Variants in FHIT observed in about 807,000 individuals in gnomAD.
FHIT encodes fragile histidine triad diadenosine triphosphatase.
FHIT carries 19 observed loss-of-function variants against 17.9 expected under a neutral mutation model. The ratio of observed to expected loss-of-function variants is 1.06; its 90% CI spans 0.74 to 1.56. FHIT has a LOEUF of 1.56. FHIT is among the 40% of genes most tolerant of loss of function. The pLI is 0.00. For missense variants in FHIT, 248 were observed against 189.2 expected (o/e 1.31, Z -1.82); for synonymous variants, 81 against 69.7 (o/e 1.16, Z -0.81).
chr3:60,979,189 C>T (rs1047275141), intron 3 of FHIT, among the ~76,000 whole-genome samples: 2 of 152,160 alleles, frequency 1.3e-5, no homozygotes, highest in Admixed American at 1.3e-4. Context: ...TCTCAAGCTC[C>T]CCTCTTCCCA....
At chr3:60,089,404 C>T (rs1703635529) in intron 5 of FHIT, among the ~76,000 whole-genome samples, 1 of 152,086 alleles carries the variant, frequency 6.6e-6, no homozygotes, top group Admixed American at 6.6e-5. Context: ...CATTGTTGTA[C>T]ATCCACTACA....
chr3:60,566,082 T>C (rs1484144525), intron 4 of FHIT, among the ~76,000 whole-genome samples: 1 of 152,176 alleles, frequency 6.6e-6, no homozygotes. Flanking sequence ...TGAGTGAGTT[T>C]CTTAATCCTG....
chr3:59,772,495 T>A (rs946059749), intron 8 of FHIT, among the ~76,000 whole-genome samples: 4 of 152,178 alleles, frequency 2.6e-5, no homozygotes, highest in African/African-American at 9.6e-5. Context: ...GGTGGCAGTG[T>A]TACTATCCCC....
At chr3:60,902,131 T>G (rs1412547283) in intron 3 of FHIT, among the ~76,000 whole-genome samples, 41 of 152,314 alleles carry the variant, frequency 2.7e-4, no homozygotes, top group African/African-American at 9.4e-4. Flanking sequence ...AACATTTCTA[T>G]CATCCCAAAA....
At chr3:60,741,547 A>G (rs957129498) in intron 4 of FHIT, among the ~76,000 whole-genome samples, 7 of 152,240 alleles carry the variant, frequency 4.6e-5, no homozygotes, top group Non-Finnish European at 1.0e-4. Flanking sequence ...CTCGGACTCA[A>G]CTGATAATAC....
intron 5 of FHIT, among the ~76,000 whole-genome samples, chr3:60,327,885 CAAG>C (rs1318372046): frequency 6.6e-6 from 1 of 151,898 alleles, no homozygotes; most frequent in African/African-American, 2.4e-5. Context: ...GCGAAGGAAA[CAAG>C]AAGGGAGGTG....
intron 5 of FHIT, among the ~76,000 whole-genome samples, chr3:60,034,724 A>C (rs931649818): frequency 2.0e-5 from 3 of 152,216 alleles, no homozygotes; most frequent in Non-Finnish European, 4.4e-5. Context: ...CAAAGTAGTA[A>C]AATGTGACCT....
At chr3:60,361,089 T>C (rs911088086) in intron 5 of FHIT, among the ~76,000 whole-genome samples, 2 of 152,222 alleles carry the variant, frequency 1.3e-5, no homozygotes, top group Non-Finnish European at 2.9e-5. Flanking sequence ...CTCAGTGATA[T>C]ATTCATCCGT....
At chr3:60,270,562 G>C (rs1427092687) in intron 5 of FHIT, among the ~76,000 whole-genome samples, 2 of 152,166 alleles carry the variant, frequency 1.3e-5, no homozygotes, top group Non-Finnish European at 2.9e-5. Context: ...TCATACACAT[G>C]CAGAAGATTG....
chr3:60,614,363 C>T (rs2038875687), intron 4 of FHIT, among the ~76,000 whole-genome samples: 1 of 152,146 alleles, frequency 6.6e-6, no homozygotes, highest in Non-Finnish European at 1.5e-5. Context: ...ACAATCCCAG[C>T]ACTTTGGAGG....
chr3:60,533,760 T>C (rs1390862132), intron 5 of FHIT, among the ~76,000 whole-genome samples: 2 of 152,174 alleles, frequency 1.3e-5, no homozygotes, highest in East Asian at 1.9e-4. Context: ...GAAGGGAGAC[T>C]GAGCCAGTAC....
chr3:60,151,865 C>G (rs1700480521), intron 5 of FHIT, among the ~76,000 whole-genome samples: 2 of 152,174 alleles, frequency 1.3e-5, no homozygotes, highest in Non-Finnish European at 2.9e-5. Context: ...TCACTATCCC[C>G]TTATTTTCCT....
At chr3:60,485,178 A>T (rs550208374) in intron 5 of FHIT, among the ~76,000 whole-genome samples, 1 of 152,324 alleles carries the variant, frequency 6.6e-6, no homozygotes, top group South Asian at 2.1e-4. Flanking sequence ...GCTGTGGAGA[A>T]ATTAGAATGC....
At chr3:60,089,487 G>A (rs1341783005) in intron 5 of FHIT, among the ~76,000 whole-genome samples, 1 of 152,136 alleles carries the variant, frequency 6.6e-6, no homozygotes, top group Non-Finnish European at 1.5e-5. Context: ...ATGGATGGTT[G>A]AGTGGATAAA....
At chr3:60,225,678 G>C (rs755901639) in intron 5 of FHIT, among the ~76,000 whole-genome samples, 1 of 152,148 alleles carries the variant, frequency 6.6e-6, no homozygotes, top group African/African-American at 2.4e-5. Flanking sequence ...TTAAATACCA[G>C]AGCAACAGTA....
chr3:60,291,134 G>T (rs1323483810), intron 5 of FHIT, among the ~76,000 whole-genome samples: 1 of 152,154 alleles, frequency 6.6e-6, no homozygotes, highest in African/African-American at 2.4e-5. Context: ...GTTAAATGGG[G>T]AAGTTTAATA....
At chr3:60,260,659 G>C (rs1055822994) in intron 5 of FHIT, among the ~76,000 whole-genome samples, 1 of 151,914 alleles carries the variant, frequency 6.6e-6, no homozygotes, top group Non-Finnish European at 1.5e-5. Context: ...ATCTTGAATA[G>C]CGGCTGGGTA....
intron 5 of FHIT, among the ~76,000 whole-genome samples, chr3:60,142,477 G>T (rs908762885): frequency 2.1e-5 from 3 of 146,044 alleles, no homozygotes; most frequent in African/African-American, 7.5e-5. Context: ...AAGATGCCAG[G>T]CTATTTATTT....
At chr3:60,706,251 G>C (rs576256844) in intron 4 of FHIT, among the ~76,000 whole-genome samples, 1 of 151,660 alleles carries the variant, frequency 6.6e-6, no homozygotes, top group Non-Finnish European at 1.5e-5. Context: ...TGGGGGTTTG[G>C]GGGGCAAGGG....
Sources: allele counts gnomAD v4.1 joint callset (sites outside exome capture counted in the v4.1 genomes callset), GRCh38; gene constraint gnomAD v4.1.1; transcripts MANE v1.5; gene names NCBI Gene and HGNC (gene_info 2026-07-23, HGNC 2026-07-21).